CNTNAP2: variants seen among roughly 807,000 people sequenced by gnomAD.
CNTNAP2 encodes the protein contactin-associated protein-like 2.
CNTNAP2 carries 98 observed loss-of-function variants against 155.2 expected under a neutral mutation model. That is an observed-to-expected ratio of 0.63 (90% CI 0.54 to 0.75). CNTNAP2 has a LOEUF of 0.75. Ranked by LOEUF, CNTNAP2 falls within the 30% of genes least tolerant of loss-of-function variation. The pLI is 0.00. For missense variants in CNTNAP2, 1,727 were observed against 1,688.1 expected, an observed-to-expected ratio of 1.02 and a Z score of -0.40; for synonymous variants, 651 against 631.2, an observed-to-expected ratio of 1.03 and a Z score of -0.47.
At chr7:148,336,522 C>A (rs756299726) in intron 21 of CNTNAP2, among the ~76,000 whole-genome samples, 4 of 143,660 alleles carry the variant, frequency 2.8e-5, no homozygotes, top group Non-Finnish European at 4.5e-5. Context: ...CCTGTCTAAC[C>A]TACACTTCCT....
intron 1 of CNTNAP2, among the ~76,000 whole-genome samples, chr7:146,473,806 TGG>T (rs1796834626): frequency 6.6e-6 from 1 of 152,218 alleles, no homozygotes; most frequent in Non-Finnish European, 1.5e-5. Context: ...TACAGTCTCC[TGG>T]GTCCCACAGG....
At chr7:147,169,610 T>A (rs1179601326) in intron 8 of CNTNAP2, among the ~76,000 whole-genome samples, 1 of 151,512 alleles carries the variant, frequency 6.6e-6, no homozygotes, top group Non-Finnish European at 1.5e-5. Context: ...AGGACACAAT[T>A]TCATTAAGGA....
At chr7:148,067,205 C>G (rs1356908035) in intron 15 of CNTNAP2, among the ~76,000 whole-genome samples, 1 of 152,156 alleles carries the variant, frequency 6.6e-6, no homozygotes, top group Non-Finnish European at 1.5e-5. Context: ...AATTGTTTTT[C>G]TGGTTCCTTC....
chr7:146,722,389 G>A (rs902851210), intron 1 of CNTNAP2, among the ~76,000 whole-genome samples: 1 of 152,094 alleles, frequency 6.6e-6, no homozygotes, highest in African/African-American at 2.4e-5. Context: ...GTAATTAATT[G>A]CACTGATGTG....
intron 11 of CNTNAP2, among the ~76,000 whole-genome samples, chr7:147,497,583 A>G (rs1584771984): frequency 6.6e-6 from 1 of 152,216 alleles, no homozygotes; most frequent in East Asian, 1.9e-4. Flanking sequence ...GAAGAGGAAA[A>G]TGCCTCCCAT....
At chr7:146,922,734 A>T (rs1305728045) in intron 3 of CNTNAP2, among the ~76,000 whole-genome samples, 1 of 152,186 alleles carries the variant, frequency 6.6e-6, no homozygotes, top group Admixed American at 6.5e-5. Context: ...ATTGGAAGTA[A>T]TAATAAAACT....
chr7:148,027,745 G>A (rs896442523), intron 15 of CNTNAP2, among the ~76,000 whole-genome samples: 1 of 151,948 alleles, frequency 6.6e-6, no homozygotes, highest in East Asian at 1.9e-4. Context: ...ATTATACATG[G>A]TCATATATGA....
chr7:147,270,571 G>A (rs1804720647), intron 8 of CNTNAP2, among the ~76,000 whole-genome samples: 1 of 152,202 alleles, frequency 6.6e-6, no homozygotes, highest in African/African-American at 2.4e-5. Context: ...AGCCCTGGCT[G>A]TATGTACATC....
At chr7:148,241,755 T>C (rs1796161589) in intron 20 of CNTNAP2, among the ~76,000 whole-genome samples, 2 of 152,230 alleles carry the variant, frequency 1.3e-5, no homozygotes, top group African/African-American at 4.8e-5. Flanking sequence ...GCCCATCTGA[T>C]CTGAAACAGA....
chr7:146,721,857 A>ATGTGTG (rs1280136237), intron 1 of CNTNAP2, among the ~76,000 whole-genome samples: 17 of 99,622 alleles, frequency 1.7e-4, no homozygotes, highest in African/African-American at 1.6e-3. Context: ...TTCTACATTT[A>ATGTGTG]TATGTGTGTG....
chr7:147,970,634 A>G (rs1198899798), intron 14 of CNTNAP2, among the ~76,000 whole-genome samples: 1 of 152,224 alleles, frequency 6.6e-6, no homozygotes, highest in African/African-American at 2.4e-5. Flanking sequence ...CAAGAAATCA[A>G]ACAAAAGACT....
intron 1 of CNTNAP2, among the ~76,000 whole-genome samples, chr7:146,620,030 T>C (rs1194395282): frequency 6.6e-6 from 1 of 152,190 alleles, no homozygotes; most frequent in Non-Finnish European, 1.5e-5. Flanking sequence ...CATATAGCCT[T>C]GCAAATAGTT....
At position 148,150,130 on chromosome 7, in the gene CNTNAP2, A is replaced by G. The variant is rs865811632; in HGVS notation, c.2773+2421A>G. Among the ~76,000 whole-genome samples, 1,108 of 142,844 alleles carry G rather than the reference A, an allele frequency of 7.8e-3. 8 individuals carry two copies. Among genetic ancestry groups the G allele is most frequent in the Non-Finnish European group, 0.012 (766 of 66,190 alleles). The allele number at this position is 142,844 out of a possible 152,430, so 93.7% of individuals were successfully genotyped here. A position where few individuals can be genotyped will look rare whatever the true frequency, so the allele number is the denominator to read the frequency against. On this transcript the variant is annotated intron_variant, in intron 17 of 23. Transcript: ENST00000361727. ...AAAAAAAAAAAAAAAAAAAAAAAAAAGGACGGCCACGGTGGCTCACGCCTA... is the reference window on the plus strand; with the variant it reads ...AAAAAAAAAAAAAAAAAAAAAAAAAGGGACGGCCACGGTGGCTCACGCCTA...
chr7:146,753,618 G>T (rs1319021764), intron 1 of CNTNAP2, among the ~76,000 whole-genome samples: 1 of 151,904 alleles, frequency 6.6e-6, no homozygotes, highest in Non-Finnish European at 1.5e-5. Flanking sequence ...CGTTACCAAA[G>T]CAATACAAAT....
At position 147,180,889 on chromosome 7, in the gene CNTNAP2, A is replaced by C. The variant is rs1188413379; in HGVS notation, c.1348+48380A>C. 2.0e-5 allele frequency among the ~76,000 whole-genome samples: 3 copies of C among 152,340 alleles called. No homozygotes were observed. The East Asian group carries it at 5.8e-4, about 29-fold the overall frequency. On this transcript the variant is annotated intron_variant, in intron 8 of 23. Transcript: ENST00000361727. Reference sequence around the variant, plus strand: ...GAAGCTACTAAAGAATACAGAGAAAACATTATAAAATAGCAATGGATCAGC... The same window carrying C: ...GAAGCTACTAAAGAATACAGAGAAACCATTATAAAATAGCAATGGATCAGC...
chr7:146,491,375 CA>C (rs75631287), intron 1 of CNTNAP2, among the ~76,000 whole-genome samples: 16,414 of 144,008 alleles, frequency 0.11, 1,001 homozygotes, highest in African/African-American at 0.17. Flanking sequence ...TTCTTTTTAA[CA>C]AAAAAAAAAC....
chr7:147,065,683 T>G (rs1474782356), intron 4 of CNTNAP2, among the ~76,000 whole-genome samples: 2 of 152,158 alleles, frequency 1.3e-5, no homozygotes, highest in Non-Finnish European at 2.9e-5. Flanking sequence ...TTTTAGTATA[T>G]TCTTCAAGTC....
intron 1 of CNTNAP2, among the ~76,000 whole-genome samples, chr7:146,244,648 AG>A (rs1435050068): frequency 6.6e-6 from 1 of 152,114 alleles, no homozygotes; most frequent in Non-Finnish European, 1.5e-5. Flanking sequence ...AAGGATATAA[AG>A]GTTTCACTGA....
chr7:147,141,362 A>T (rs1045890980), intron 8 of CNTNAP2, among the ~76,000 whole-genome samples: 3 of 152,110 alleles, frequency 2.0e-5, no homozygotes, highest in African/African-American at 7.2e-5. Context: ...TTGCTGACCT[A>T]TTTGTTAGGG....
Sources: allele counts gnomAD v4.1 joint callset (sites outside exome capture counted in the v4.1 genomes callset), GRCh38; gene constraint gnomAD v4.1.1; transcripts MANE v1.5; gene names NCBI Gene and HGNC (gene_info 2026-07-23, HGNC 2026-07-21).